The following NBPF12 variants were observed in gnomAD, a reference collection of about 807,000 sequenced individuals.
The protein encoded by NBPF12 is NBPF member 12.
A neutral mutation model predicts 146.4 loss-of-function variants in NBPF12; 115 were observed. The ratio of observed to expected loss-of-function variants is 0.79; its 90% confidence interval spans 0.68 to 0.92. The LOEUF (loss-of-function observed/expected upper bound fraction) is 0.92. Among genes scored for constraint, NBPF12 ranks in the 40% least tolerant of loss-of-function variants. The pLI is 0.00. For missense variants in NBPF12, 1,205 were observed against 1,326.8 expected, an observed-to-expected ratio of 0.91 and a Z score of 1.43; for synonymous variants, 385 against 508.9, an observed-to-expected ratio of 0.76 and a Z score of 3.28.
intron 1 of NBPF12, among the ~76,000 whole-genome samples, chr1:146,949,895 C>G (rs1422488166): frequency 6.6e-6 from 1 of 151,816 alleles, no homozygotes; most frequent in African/African-American, 2.4e-5. Context: ...AAGCTCCCAC[C>G]TTCTCTGACT....
At chr1:146,964,075 C>T (rs1416997353) in intron 6 of NBPF12, among the ~76,000 whole-genome samples, 17,892 of 130,432 alleles carry the variant, frequency 0.14, 1,506 homozygotes, top group Admixed American at 0.25. Context: ...GGGGAGACAG[C>T]TGCCAAAGTC....
At chr1:146,971,488 T>A in intron 13 of NBPF12, 94 bp downstream of exon 16, 1 of 1,015,004 alleles carries the variant, frequency 9.9e-7, no homozygotes, top group Non-Finnish European at 1.5e-6. Context: ...TGTTATTGTT[T>A]TAGTCAGAAA....
rs1656440851 is a variant in NBPF12, at chr1:146,969,597, G to T, written c.1306+1G>T. On this transcript the variant is annotated splice_donor_variant, in intron 11 of 33. Coordinates refer to ENST00000617844, the Ensembl canonical transcript of NBPF12. LOFTEE classifies it high-confidence loss of function. Reference sequence around the variant, plus strand: ...CACCTTGTCCAAAAGCTCAGCCCAGGTAAGGTGGCCACAGGCCCTGATGAC... The same window carrying T: ...CACCTTGTCCAAAAGCTCAGCCCAGTTAAGGTGGCCACAGGCCCTGATGAC... 1.9e-6 allele frequency: 3 copies of T among 1,610,160 alleles called. No individual in the cohort carries two copies. Among genetic ancestry groups the T allele is most frequent in the Admixed American group, 1.7e-5 (1 of 59,916 alleles).
At chr1:146,973,905 C>A (rs1309379480) in intron 14 of NBPF12, among the ~76,000 whole-genome samples, 1 of 150,392 alleles carries the variant, frequency 6.6e-6, no homozygotes, top group Non-Finnish European at 1.5e-5. Context: ...AGATCGCACC[C>A]GAGAATGTGT....
rs1194187645 is a variant in NBPF12 at position 146,969,735 on chromosome 1, C to T, written c.1306+139C>T. 9.2e-6 allele frequency: 14 copies of T among 1,518,886 alleles called. 1 individual carries two copies. Among genetic ancestry groups the T allele is most frequent in the South Asian group, 2.3e-5 (2 of 87,796 alleles). 94.1% of individuals were successfully genotyped at this position (1,518,886 alleles called of 1,614,324 possible). A position where few individuals can be genotyped will look rare whatever the true frequency, so the allele number is the denominator to read the frequency against. On this transcript the variant is annotated intron_variant, in intron 11 of 33. Coordinates refer to ENST00000617844, the Ensembl canonical transcript of NBPF12. Reference sequence around the variant, plus strand: ...TGTGGCCATGACATGACCAGGACTTCCTGGGTAAGAACGGAGATGGGAAAC... The same window carrying T: ...TGTGGCCATGACATGACCAGGACTTTCTGGGTAAGAACGGAGATGGGAAAC...
intron 2 of NBPF12, among the ~76,000 whole-genome samples, chr1:146,954,924 T>TAC (rs1308572130): frequency 2.7e-5 from 3 of 111,088 alleles, no homozygotes; most frequent in African/African-American, 1.1e-4. Context: ...TGTGTGTGTA[T>TAC]ATATATATAT....
At chr1:146,948,762 G>A (rs1655185362), upstream of NBPF12, among the ~76,000 whole-genome samples, 1 of 151,604 alleles carries the variant, frequency 6.6e-6, no homozygotes, top group Non-Finnish European at 1.5e-5. Context: ...ATTAGTAAAA[G>A]AGGAAGGAAG....
intron 33 of NBPF12, 122 bp from the exon 37 acceptor site, chr1:146,994,210 T>C: frequency 4.4e-6 from 7 of 1,594,840 alleles, no homozygotes; most frequent in Non-Finnish European, 6.0e-6. Flanking sequence ...ATTTGTTACC[T>C]CATTAATGGA....
chr1:146,981,355 G>C (rs1657377175), intron 19 of NBPF12, among the ~76,000 whole-genome samples: 1 of 130,906 alleles, frequency 7.6e-6, no homozygotes, highest in South Asian at 2.5e-4. Context: ...TATACATATG[G>C]AAAAAAAAAG....
At chr1:146,970,602 G>C (rs1553886245) in intron 11 of NBPF12, 45 bp from the exon 15 acceptor site, 5 of 1,567,842 alleles carry the variant, frequency 3.2e-6, no homozygotes, top group African/African-American at 2.7e-5. Context: ...TGTGCTTGCA[G>C]AATGTGAAGT....
chr1:146,973,186 G>T (rs1213650229), intron 14 of NBPF12, among the ~76,000 whole-genome samples: 2 of 123,988 alleles, frequency 1.6e-5, no homozygotes, highest in African/African-American at 6.3e-5. Flanking sequence ...GAATTAAACT[G>T]CCATTTATTG....
chr1:146,942,982 C>A (rs2101807378), intron 1 of NBPF12, among the ~76,000 whole-genome samples: 1 of 140,854 alleles, frequency 7.1e-6, no homozygotes, highest in South Asian at 2.3e-4. Context: ...AGCTCACTAA[C>A]CTCTAACTCA....
intron 1 of NBPF12, among the ~76,000 whole-genome samples, chr1:146,939,941 T>C (rs1300140230): frequency 6.6e-6 from 1 of 151,114 alleles, no homozygotes; most frequent in Non-Finnish European, 1.5e-5. Context: ...GGAGATATCT[T>C]GTCACTGCAC....
At chr1:146,964,500 T>C in intron 7 of NBPF12, 71 bp downstream of exon 10, 2 of 1,590,738 alleles carry the variant, frequency 1.3e-6, no homozygotes, top group Non-Finnish European at 1.7e-6. Context: ...ACACCCTCTC[T>C]GGCATCTATG....
At chr1:146,938,374 G>C (rs1553882328), upstream of NBPF12, among the ~76,000 whole-genome samples, 119,220 of 151,982 alleles carry the variant, frequency 0.78, 47,347 homozygotes, top group East Asian at 1. Flanking sequence ...CAGTCCTAAA[G>C]GCGGGGTCGC....
At chr1:146,994,375 C>G in exon 34 of NBPF12, 3 of 1,612,368 alleles carry the variant, frequency 1.9e-6, no homozygotes, top group African/African-American at 1.3e-5. Flanking sequence ...TGAAGTCTTG[C>G]AGGACTCACT....
rs1203783396 is a variant in NBPF12 at position 146,960,217 on chromosome 1, G to A, written c.74G>A (p.Arg25His). ...ATTCTAGAAATCAACGAGAAATTGC[G>A]CCCCCAGTTGGCAGAGAACAAACAG... The change falls in exon 4 of 34, where the codon CGC becomes CAC. Residue 25 changes from arginine (R) to histidine (H), a missense_variant. By Grantham distance (29) the Arg-to-His change is conservative (BLOSUM62 0). This residue lies in a region of NBPF12 where 138 missense variants were observed against 101.7 expected (regional missense o/e 1.36). Coordinates refer to ENST00000617844, the Ensembl canonical transcript of NBPF12. The A allele has an allele frequency of 6.6e-4, 674 of 1,017,028 alleles. 2 individuals are homozygous for A. Among genetic ancestry groups the A allele is most frequent in the Non-Finnish European group, 8.6e-4 (571 of 662,042 alleles). 63.0% of individuals were successfully genotyped at this position (1,017,028 alleles called of 1,614,324 possible). A position where few individuals can be genotyped will look rare whatever the true frequency, so the allele number is the denominator to read the frequency against.
At chr1:146,971,321 A>G in exon 13 of NBPF12, 2 of 1,612,180 alleles carry the variant, frequency 1.2e-6, no homozygotes, top group East Asian at 2.2e-5. Context: ...AGGAAGACAA[A>G]GTCAACTCAT....
In NBPF12 at chr1:146,964,955, C is replaced by T. The variant is rs1176416398; in HGVS notation, c.629C>T (p.Thr210Ile). The change falls in exon 8 of 34, where the codon ACT becomes ATT. Residue 210 changes from threonine to isoleucine, a missense_variant. By Grantham distance (89) the Thr-to-Ile change is moderately conservative (BLOSUM62 -1). Around this residue, in one of 16 missense-constraint regions of NBPF12, gnomAD observed 325 missense variants for 236.6 expected, o/e 1.37. Coordinates refer to ENST00000617844, the Ensembl canonical transcript of NBPF12. The stretch of plus-strand genomic sequence containing the variant: ...GACTCACTGGAGGAATGTGCCATCA[C>T]TTGTTCAAATAGCCACGGCCCTTGT... The T allele has an allele frequency of 1.1e-3, 1,793 of 1,608,282 alleles. 46 individuals carry two copies. In the African/African-American group the frequency reaches 0.02, roughly 18 times the overall value.
Sources: allele counts gnomAD v4.1 joint callset (sites outside exome capture counted in the v4.1 genomes callset), GRCh38; gene constraint gnomAD v4.1.1; regional missense constraint gnomAD v4.1.1; transcripts MANE v1.5; gene names NCBI Gene and HGNC (gene_info 2026-07-23, HGNC 2026-07-21).